Variants in RNLS observed in about 807,000 individuals in gnomAD.
RNLS encodes the protein renalase, FAD dependent amine oxidase.
In RNLS, 39 loss-of-function variants were observed where a neutral mutation model predicts 39.8. The ratio of observed to expected loss-of-function variants is 0.98; its 90% CI spans 0.76 to 1.28. RNLS has a LOEUF of 1.28. Ranked by LOEUF, RNLS falls within the 50% of genes most tolerant of loss-of-function variation. RNLS has a pLI of 0.00. For synonymous variants in RNLS, 147 were observed against 150.7 expected (o/e 0.98, Z 0.18); for missense variants, 410 against 413.3 (o/e 0.99, Z 0.07).
At chr10:88,518,299 T>A (rs1350621472) in intron 4 of RNLS, among the ~76,000 whole-genome samples, 1 of 151,884 alleles carries the variant, frequency 6.6e-6, no homozygotes, top group Admixed American at 6.6e-5. Flanking sequence ...ATAGTATGCA[T>A]CTGTTCATTT....
rs552569942 is a variant in RNLS at position 88,566,181 on chromosome 10, C to A, written c.526+6722G>T. Among the ~76,000 whole-genome samples, 4 of 151,946 alleles carry A rather than the reference C, an allele frequency of 2.6e-5. No individual in the cohort carries two copies. In the South Asian group the frequency reaches 8.3e-4, roughly 32 times the overall value. ...AATGTTTGTCAAATTATTTCTGATT[C>A]ATGAAAAAATATATAAATACATACT... is the stretch of plus-strand genomic sequence containing the variant. On this transcript the variant is annotated intron_variant, in intron 4 of 6. Coordinates refer to ENST00000331772, the MANE Select transcript of RNLS (RefSeq NM_001031709.3).
At chr10:88,230,509 C>G in the RNLS span, among the ~76,000 whole-genome samples, 1 of 152,134 alleles carries the variant, frequency 6.6e-6, no homozygotes. Context: ...CCTTCTTCCC[C>G]CTCCAATGCA....
At chr10:88,264,051 A>G in the RNLS span, among the ~76,000 whole-genome samples, 6 of 152,288 alleles carry the variant, frequency 3.9e-5, no homozygotes, top group African/African-American at 1.4e-4. Flanking sequence ...GTTCCCACTT[A>G]TGAGTGAGAA....
chr10:88,379,434 T>C (rs1159719422), intron 4 of RNLS, among the ~76,000 whole-genome samples: 1 of 152,112 alleles, frequency 6.6e-6, no homozygotes, highest in African/African-American at 2.4e-5. Flanking sequence ...TCAAATGATT[T>C]TTTTTTTCTT....
the RNLS span, among the ~76,000 whole-genome samples, chr10:88,241,983 C>A: frequency 6.6e-6 from 1 of 152,062 alleles, no homozygotes; most frequent in Non-Finnish European, 1.5e-5. Context: ...CTATGTTTTC[C>A]TCTATCATCA....
chr10:88,335,231 T>C (rs1293993635), intron 5 of RNLS, among the ~76,000 whole-genome samples: 1 of 151,664 alleles, frequency 6.6e-6, no homozygotes, highest in East Asian at 1.9e-4. Context: ...TTTTTTTTTT[T>C]CTTTGCGACA....
intron 4 of RNLS, among the ~76,000 whole-genome samples, chr10:88,466,552 C>T (rs1174252783): frequency 1.3e-5 from 2 of 152,100 alleles, no homozygotes; most frequent in African/African-American, 4.8e-5. Context: ...TTGTTCAATT[C>T]AGCTTTCCTT....
the RNLS span, among the ~76,000 whole-genome samples, chr10:88,265,894 C>A: frequency 1.3e-5 from 2 of 152,146 alleles, no homozygotes; most frequent in Non-Finnish European, 2.9e-5. Context: ...TCCCAAATGG[C>A]GAATTAGTCA....
At chr10:88,472,181 G>C (rs1843573775) in intron 4 of RNLS, among the ~76,000 whole-genome samples, 1 of 152,160 alleles carries the variant, frequency 6.6e-6, no homozygotes, top group South Asian at 2.1e-4. Context: ...TTCCTGCCCA[G>C]GGCTGGGAAG....
chr10:88,581,749 C>G, intron 2 of RNLS, 40 bp from the exon 3 acceptor site: 1 of 1,315,200 alleles, frequency 7.6e-7, no homozygotes, highest in East Asian at 2.7e-5. Flanking sequence ...TAATTATATA[C>G]CATGAATAGC....
chr10:88,214,209 A>G, the RNLS span, among the ~76,000 whole-genome samples: 1 of 151,940 alleles, frequency 6.6e-6, no homozygotes, highest in African/African-American at 2.4e-5. Flanking sequence ...CAAAATCCTG[A>G]ATCTGCCTAT....
intron 5 of RNLS, among the ~76,000 whole-genome samples, chr10:88,325,748 G>C (rs1846553560): frequency 6.6e-6 from 1 of 152,110 alleles, no homozygotes; most frequent in African/African-American, 2.4e-5. Context: ...CTCTATGATT[G>C]ACATGGTTTG....
At chr10:88,247,732 T>A in the RNLS span, among the ~76,000 whole-genome samples, 2 of 152,238 alleles carry the variant, frequency 1.3e-5, no homozygotes, top group South Asian at 4.1e-4. Context: ...GAATTAAGTT[T>A]GCAGATCTGC....
At chr10:88,397,936 C>G (rs1852662535) in intron 4 of RNLS, among the ~76,000 whole-genome samples, 1 of 151,926 alleles carries the variant, frequency 6.6e-6, no homozygotes, top group Non-Finnish European at 1.5e-5. Context: ...ACCCATATAT[C>G]TATAGTAAAT....
chr10:88,266,761 C>G, the RNLS span, among the ~76,000 whole-genome samples: 1 of 148,608 alleles, frequency 6.7e-6, no homozygotes, highest in South Asian at 2.1e-4. Flanking sequence ...AAATGCCAAA[C>G]AACTTCTACT....
chr10:88,274,947 CA>C, exon 7 of RNLS: 1 of 1,607,320 alleles, frequency 6.2e-7, no homozygotes. Flanking sequence ...CTGTGTGCTC[CA>C]ATTTCCAGGA....
At chr10:88,272,691 A>G (rs1842681876), downstream of RNLS, among the ~76,000 whole-genome samples, 1 of 152,174 alleles carries the variant, frequency 6.6e-6, no homozygotes, top group African/African-American at 2.4e-5. Flanking sequence ...TTGATCTTCA[A>G]ATGATTCCAT....
rs570516718 is a variant in RNLS, at chr10:88,509,841, A to C, written c.526+63062T>G. Among the ~76,000 whole-genome samples the C allele has an allele frequency of 3.3e-5, 5 of 152,288 alleles. No individual in the cohort carries two copies. In the East Asian group the frequency reaches 9.7e-4, roughly 29 times the overall value. On this transcript the variant is annotated intron_variant, in intron 4 of 6. Transcript: ENST00000331772. Reference sequence around the variant, plus strand: ...TACCAAAATAAGATACCAATTGGTCATATAACCTTTCTTCCTCAAATATCC... The same window carrying C: ...TACCAAAATAAGATACCAATTGGTCCTATAACCTTTCTTCCTCAAATATCC...
intron 4 of RNLS, among the ~76,000 whole-genome samples, chr10:88,372,747 A>G (rs1850666933): frequency 6.6e-6 from 1 of 152,150 alleles, no homozygotes; most frequent in African/African-American, 2.4e-5. Flanking sequence ...CTGACATGTA[A>G]AATAATTTCA....
Sources: gnomAD v4.1 joint callset for allele counts (sites outside exome capture counted in the v4.1 genomes callset) on GRCh38, gnomAD v4.1.1 for gene constraint, MANE v1.5 for transcripts, NCBI Gene and HGNC (gene_info 2026-07-23, HGNC 2026-07-21) for gene names.